The following PARD3B variants were observed in gnomAD, a reference collection of about 807,000 sequenced individuals.
The protein encoded by PARD3B is partitioning defective 3 homolog B.
A neutral mutation model predicts 130.2 loss-of-function variants in PARD3B; 103 were observed. The ratio of observed to expected loss-of-function variants is 0.79; its 90% CI spans 0.67 to 0.93. PARD3B has a LOEUF of 0.93. PARD3B is among the 40% of genes least tolerant of loss of function. The pLI is 0.00. For synonymous variants in PARD3B, 583 were observed against 553.2 expected, an observed-to-expected ratio of 1.05 and a Z score of -0.76; for missense variants, 1,609 against 1,499.2, an observed-to-expected ratio of 1.07 and a Z score of -1.21.
chr2:205,376,522 T>C (rs945680213), intron 18 of PARD3B, among the ~76,000 whole-genome samples: 1 of 151,894 alleles, frequency 6.6e-6, no homozygotes, highest in Non-Finnish European at 1.5e-5. Context: ...TTGGGAGAAG[T>C]TGGGGAGGGA....
chr2:205,104,138 A>G (rs1049047197), intron 4 of PARD3B, among the ~76,000 whole-genome samples: 8 of 152,332 alleles, frequency 5.3e-5, no homozygotes, highest in Middle Eastern at 3.4e-3. Flanking sequence ...TAAAACACTC[A>G]ATCCCAAAAG....
At chr2:205,102,962 G>T (rs1376332232) in intron 4 of PARD3B, among the ~76,000 whole-genome samples, 1 of 151,910 alleles carries the variant, frequency 6.6e-6, no homozygotes, top group Non-Finnish European at 1.5e-5. Context: ...CAGCCACTCG[G>T]GAGGCTGAGC....
intron 21 of PARD3B, among the ~76,000 whole-genome samples, chr2:205,543,241 GA>G (rs888813299): frequency 2.0e-5 from 3 of 149,180 alleles, no homozygotes; most frequent in Non-Finnish European, 3.0e-5. Flanking sequence ...ATGAATAACT[GA>G]AAAAAAAACT....
At chr2:205,465,047 G>A (rs146296045) in intron 20 of PARD3B, among the ~76,000 whole-genome samples, 83 of 152,246 alleles carry the variant, frequency 5.5e-4, no homozygotes, top group Middle Eastern at 3.4e-3. Flanking sequence ...TTTCTTCCTG[G>A]TCTAAAGAAA....
rs1181569564 is a variant in PARD3B at position 204,799,909 on chromosome 2, T to C, written c.222+113627T>C. Reference sequence around the variant, plus strand: ...ACTTGGTAAGCCTTCCTAAGAAGGGTGGGTACAAACAAGCCAAGACTGTGA... The same window carrying C: ...ACTTGGTAAGCCTTCCTAAGAAGGGCGGGTACAAACAAGCCAAGACTGTGA... On this transcript the variant is annotated intron_variant, in intron 2 of 22. Coordinates refer to ENST00000406610, the MANE Select transcript of PARD3B (RefSeq NM_001302769.2). The surrounding 1 kb of genome is among the most constrained non-coding windows in gnomAD (Gnocchi z 4.1). Among the ~76,000 whole-genome samples, 1 of 152,028 alleles carries C rather than the reference T, an allele frequency of 6.6e-6. No individual in the cohort carries two copies. The highest frequency in any genetic ancestry group is 2.4e-5 in the African/African-American group (1 of 41,382).
intron 20 of PARD3B, among the ~76,000 whole-genome samples, chr2:205,462,813 A>G (rs969569466): frequency 2.0e-5 from 3 of 152,104 alleles, no homozygotes; most frequent in African/African-American, 7.2e-5. Flanking sequence ...TTGATTGCAG[A>G]CTCTTAGTCT....
At chr2:204,733,340 T>C (rs1014975548) in intron 2 of PARD3B, among the ~76,000 whole-genome samples, 9 of 152,090 alleles carry the variant, frequency 5.9e-5, no homozygotes, top group African/African-American at 9.7e-5. Flanking sequence ...TACCCAGCAT[T>C]GTTGAGAGAA....
chr2:205,211,637 A>C (rs1033690402), intron 15 of PARD3B, among the ~76,000 whole-genome samples: 2 of 152,158 alleles, frequency 1.3e-5, no homozygotes, highest in Admixed American at 1.3e-4. Context: ...TAGTGTTTCA[A>C]TACCCACTTG....
At chr2:205,133,872 G>T (rs1433921856) in intron 10 of PARD3B, among the ~76,000 whole-genome samples, 1 of 152,146 alleles carries the variant, frequency 6.6e-6, no homozygotes, top group Non-Finnish European at 1.5e-5. Flanking sequence ...AATTTTTTAT[G>T]TGCCACCTTG....
At chr2:204,878,590 A>T (rs2045930224) in intron 2 of PARD3B, among the ~76,000 whole-genome samples, 1 of 152,198 alleles carries the variant, frequency 6.6e-6, no homozygotes, top group South Asian at 2.1e-4. Context: ...TAACATATAT[A>T]TGCCCCTTCA....
At chr2:205,193,127 T>G in intron 14 of PARD3B, 78 bp from the exon 15 acceptor site, 3 of 1,010,886 alleles carry the variant, frequency 3.0e-6, no homozygotes, top group South Asian at 1.4e-5. Context: ...GTGGCTGTGT[T>G]CAAAATGAGA....
intron 2 of PARD3B, among the ~76,000 whole-genome samples, chr2:204,766,041 T>C (rs2041130078): frequency 6.6e-6 from 1 of 152,228 alleles, no homozygotes; most frequent in Admixed American, 6.6e-5. Context: ...TTATTTGTGA[T>C]TGTCTTTCCT....
intron 2 of PARD3B, among the ~76,000 whole-genome samples, chr2:204,926,575 G>A (rs1687634481): frequency 6.6e-6 from 1 of 152,076 alleles, no homozygotes; most frequent in Non-Finnish European, 1.5e-5. Context: ...CCATGCAGCT[G>A]TGGATCTCCT....
chr2:204,777,715 G>A (rs577459766), intron 2 of PARD3B, among the ~76,000 whole-genome samples: 3 of 152,316 alleles, frequency 2.0e-5, no homozygotes, highest in African/African-American at 7.2e-5. Context: ...GCTGCAGTGA[G>A]CCATGATTGC....
chr2:205,209,920 A>G (rs1417155372), intron 15 of PARD3B, among the ~76,000 whole-genome samples: 1 of 152,126 alleles, frequency 6.6e-6, no homozygotes, highest in East Asian at 1.9e-4. Context: ...GATTGTTTGT[A>G]ACGCAAAGGA....
chr2:204,825,420 G>A (rs2043529365), intron 2 of PARD3B, among the ~76,000 whole-genome samples: 1 of 152,148 alleles, frequency 6.6e-6, no homozygotes, highest in East Asian at 1.9e-4. Flanking sequence ...CTAGATGAAG[G>A]CAAATAGGGA....
Position 204,958,926 on chromosome 2 carries a change from G to T in PARD3B, c.223-6226G>T, listed in dbSNP as rs148292616. Among the ~76,000 whole-genome samples, 1,169 of 152,206 alleles carry T rather than the reference G, an allele frequency of 7.7e-3. 18 individuals are homozygous for T. The highest frequency in any genetic ancestry group is 0.027 in the African/African-American group (1,107 of 41,534). The stretch of plus-strand genomic sequence containing the variant: ...CTTTTTATCAGATCTGTTATTCAGG[G>T]TCATGGATGTTGTAAATTATCCAAA... On this transcript the variant is annotated intron_variant, in intron 2 of 22. Coordinates refer to ENST00000406610, the MANE Select transcript of PARD3B (RefSeq NM_001302769.2).
In PARD3B at chr2:205,530,288, C is replaced by A. The variant is rs2051533238; in HGVS notation, c.3181-23036C>A. Among the ~76,000 whole-genome samples the A allele has an allele frequency of 1.3e-5, 2 of 152,138 alleles. No individual in the cohort carries two copies. The highest frequency in any genetic ancestry group is 1.3e-4 in the Admixed American group (2 of 15,274). ...CTGTCTTTTGCTACCCACTACCACC[C>A]ACAACAGGGTTAAACAAGACTTGAG... On this transcript the variant is annotated intron_variant, in intron 21 of 22. Coordinates refer to ENST00000406610, the MANE Select transcript of PARD3B (RefSeq NM_001302769.2). The surrounding 1 kb of genome is among the most constrained non-coding windows in gnomAD (Gnocchi z 4.7).
At position 205,300,222 on chromosome 2, in the gene PARD3B, C is replaced by T. The variant is rs575489819; in HGVS notation, c.2186-308C>T. 6.6e-6 allele frequency among the ~76,000 whole-genome samples: 1 copy of T among 152,252 alleles called. No homozygotes were observed. The highest frequency in any genetic ancestry group is 1.9e-4 in the East Asian group (1 of 5,188). On this transcript the variant is annotated intron_variant, in intron 16 of 22. Transcript: ENST00000406610. The surrounding 1 kb of genome is among the most constrained non-coding windows in gnomAD (Gnocchi z 4.1). ...CATAGTCTCTATAAATAGCTACAGCCTTTCAAATTCATAGGTGTGTGTGTA... is the reference window on the plus strand; with the variant it reads ...CATAGTCTCTATAAATAGCTACAGCTTTTCAAATTCATAGGTGTGTGTGTA...
Sources: allele counts gnomAD v4.1 joint callset (sites outside exome capture counted in the v4.1 genomes callset), GRCh38; gene constraint gnomAD v4.1.1; non-coding constraint Gnocchi (gnomAD v3.1); transcripts MANE v1.5; gene names NCBI Gene and HGNC (gene_info 2026-07-23, HGNC 2026-07-21).